AKR1C8: variants seen among roughly 807,000 people sequenced by gnomAD.
AKR1C8 encodes the protein aldo-keto reductase family 1 member C-like protein 1.
the AKR1C8 span, among the ~76,000 whole-genome samples, chr10:5,117,811 T>A: frequency 2.6e-5 from 4 of 152,098 alleles, no homozygotes; most frequent in Admixed American, 2.6e-4. Context: ...AACAAGCAGC[T>A]ATGAAAAAAG....
the AKR1C8 span, among the ~76,000 whole-genome samples, chr10:5,152,440 C>T: frequency 6.6e-6 from 1 of 152,178 alleles, no homozygotes; most frequent in Non-Finnish European, 1.5e-5. Flanking sequence ...AGCTTTGTGA[C>T]TGTTGATGTA....
chr10:5,139,046 C>G, the AKR1C8 span, among the ~76,000 whole-genome samples: 74 of 152,192 alleles, frequency 4.9e-4, no homozygotes, highest in African/African-American at 1.7e-3. Flanking sequence ...GAGTGAACTC[C>G]CATTCACAAT....
At chr10:5,132,851 A>C in the AKR1C8 span, 1 of 596,860 alleles carries the variant, frequency 1.7e-6, no homozygotes, top group Non-Finnish European at 2.8e-6. Flanking sequence ...CCTCACAAAA[A>C]TCACATTATT....
At chr10:5,145,034 A>T in the AKR1C8 span, among the ~76,000 whole-genome samples, 2 of 151,810 alleles carry the variant, frequency 1.3e-5, no homozygotes, top group Admixed American at 1.3e-4. Flanking sequence ...TATTATTTTG[A>T]AATATGTCCC....
At chr10:5,181,070 C>G in the AKR1C8 span, among the ~76,000 whole-genome samples, 2 of 152,224 alleles carry the variant, frequency 1.3e-5, no homozygotes, top group Non-Finnish European at 2.9e-5. Context: ...AATCACCCGT[C>G]TTCTGCGTCA....
the AKR1C8 span, among the ~76,000 whole-genome samples, chr10:5,129,818 C>T: frequency 6.6e-6 from 1 of 151,904 alleles, no homozygotes; most frequent in Admixed American, 6.6e-5. Flanking sequence ...GATGGATTCA[C>T]AGCAGAATTC....
the AKR1C8 span, among the ~76,000 whole-genome samples, chr10:5,168,186 A>G: frequency 6.6e-6 from 1 of 152,052 alleles, no homozygotes. Context: ...TCCTATGTGC[A>G]AGCTTCTTTG....
At chr10:5,168,613 T>C in the AKR1C8 span, among the ~76,000 whole-genome samples, 1 of 152,170 alleles carries the variant, frequency 6.6e-6, no homozygotes, top group Non-Finnish European at 1.5e-5. Context: ...AGAGATGTTA[T>C]GTTACTCTTA....
chr10:5,162,355 C>G, the AKR1C8 span, among the ~76,000 whole-genome samples: 1 of 152,300 alleles, frequency 6.6e-6, no homozygotes, highest in South Asian at 2.1e-4. Context: ...GACCTACATT[C>G]TAAAAATAAA....
chr10:5,170,559 A>G, the AKR1C8 span, among the ~76,000 whole-genome samples: 1 of 152,064 alleles, frequency 6.6e-6, no homozygotes, highest in African/African-American at 2.4e-5. Context: ...TTAAATACCT[A>G]TGAGTTGGTG....
chr10:5,163,229 C>T, the AKR1C8 span, among the ~76,000 whole-genome samples: 38 of 152,140 alleles, frequency 2.5e-4, no homozygotes, highest in Non-Finnish European at 5.3e-4. Flanking sequence ...ATTGGCTTCA[C>T]CCTGGAGCAT....
the AKR1C8 span, among the ~76,000 whole-genome samples, chr10:5,168,107 A>G: frequency 9.9e-5 from 15 of 152,206 alleles, no homozygotes; most frequent in East Asian, 2.9e-3. Context: ...TCCTGAGAAA[A>G]GTGTTAATTT....
chr10:5,177,885 T>A, the AKR1C8 span, among the ~76,000 whole-genome samples: 377 of 152,334 alleles, frequency 2.5e-3, 4 homozygotes, highest in African/African-American at 8.6e-3. Context: ...TCTTTATTAG[T>A]CTGGCTAGTG....
the AKR1C8 span, chr10:5,154,835 C>T: frequency 6.6e-6 from 1 of 152,186 alleles, no homozygotes; most frequent in Non-Finnish European, 1.5e-5. Flanking sequence ...AGTTGAGCAA[C>T]TGGAACGTCA....
chr10:5,171,890 T>C, the AKR1C8 span, among the ~76,000 whole-genome samples: 3 of 152,246 alleles, frequency 2.0e-5, no homozygotes, highest in East Asian at 5.8e-4. Context: ...CTTAATAATC[T>C]TTTTACCAAA....
the AKR1C8 span, among the ~76,000 whole-genome samples, chr10:5,182,232 T>C: frequency 6.6e-6 from 1 of 152,200 alleles, no homozygotes; most frequent in Admixed American, 6.5e-5. Context: ...ATCAGTACAA[T>C]AAAAATCCAT....
At chr10:5,164,700 G>A in the AKR1C8 span, among the ~76,000 whole-genome samples, 3 of 152,062 alleles carry the variant, frequency 2.0e-5, no homozygotes, top group African/African-American at 7.2e-5. Context: ...TGGGAATGTT[G>A]ATTCTGTTCC....
chr10:5,134,094 G>A, the AKR1C8 span, among the ~76,000 whole-genome samples: 2 of 152,096 alleles, frequency 1.3e-5, no homozygotes, highest in African/African-American at 4.8e-5. Context: ...ATTTTAATAT[G>A]AGTATTTCAG....
chr10:5,122,103 C>T, the AKR1C8 span: 17 of 361,264 alleles, frequency 4.7e-5, no homozygotes, highest in East Asian at 2.2e-4. Context: ...CTTAGCATGT[C>T]GGAGATTTCC....
Sources: gnomAD v4.1 joint callset for allele counts (sites outside exome capture counted in the v4.1 genomes callset) on GRCh38, gnomAD v4.1.1 for gene constraint, MANE v1.5 for transcripts, NCBI Gene and HGNC (gene_info 2026-07-23, HGNC 2026-07-21) for gene names.